The following ADGRV1 variants were observed in gnomAD, a reference collection of about 807,000 sequenced individuals.
ADGRV1 encodes the protein G-protein coupled receptor 98.
A neutral mutation model predicts 596.2 loss-of-function variants in ADGRV1; 359 were observed. The observed-to-expected ratio is 0.60, with a 90% CI of 0.55 to 0.66. The LOEUF (loss-of-function observed/expected upper bound fraction) is 0.66, where lower values mean the gene tolerates loss of function less well. Among genes scored for constraint, ADGRV1 ranks in the 30% least tolerant of loss-of-function variants. The pLI is 0.00. For missense variants in ADGRV1, 7,274 were observed against 7,575.6 expected (o/e 0.96, Z 1.48); for synonymous variants, 2,681 against 2,679.2 (o/e 1.00, Z -0.02).
intron 70 of ADGRV1, chr5:90,791,628 C>A: frequency 2.7e-6 from 1 of 373,996 alleles, no homozygotes; most frequent in Non-Finnish European, 4.9e-6. Context: ...TGCATATACA[C>A]CTGCACACCC....
chr5:90,844,910 C>A (rs1367551946), intron 78 of ADGRV1, among the ~76,000 whole-genome samples: 2 of 152,104 alleles, frequency 1.3e-5, no homozygotes, highest in Admixed American at 6.6e-5. Context: ...CCTTGTGGAG[C>A]CAGCCTGTTT....
At position 90,660,076 on chromosome 5, in the gene ADGRV1, AAG is replaced by A. The variant is rs370017304; in HGVS notation, c.4752+1801_4752+1802del. Among the ~76,000 whole-genome samples, 82 of 152,196 alleles carry A rather than the reference AAG, an allele frequency of 5.4e-4. 1 individual carries two copies. The East Asian group carries it at 0.014, about 26-fold the overall frequency. ...AAAAAGAAACAGACAAATTGATTGC[AAG>A]AGGAGCTAGGAGAATCCAGCTGTCT... is the stretch of plus-strand genomic sequence containing the variant. On this transcript the variant is annotated intron_variant, in intron 21 of 89. Transcript: ENST00000405460.
intron 1 of ADGRV1, among the ~76,000 whole-genome samples, chr5:90,571,868 T>C (rs1756569268): frequency 6.6e-6 from 1 of 152,144 alleles, no homozygotes; most frequent in African/African-American, 2.4e-5. Context: ...TTCACTGATT[T>C]CCTGGAGATT....
At chr5:91,074,802 G>T (rs1044363512) in intron 86 of ADGRV1, among the ~76,000 whole-genome samples, 3 of 152,106 alleles carry the variant, frequency 2.0e-5, no homozygotes, top group African/African-American at 7.2e-5. Flanking sequence ...TAGTGTATAA[G>T]CAAGCATTCC....
intron 58 of ADGRV1, among the ~76,000 whole-genome samples, chr5:90,760,878 A>G (rs1277961551): frequency 6.6e-6 from 1 of 152,210 alleles, no homozygotes; most frequent in African/African-American, 2.4e-5. Context: ...AGTATAAAAC[A>G]CTATAAATTC....
chr5:91,029,570 A>G (rs1254252783), intron 85 of ADGRV1, among the ~76,000 whole-genome samples: 1 of 152,196 alleles, frequency 6.6e-6, no homozygotes, highest in Non-Finnish European at 1.5e-5. Context: ...AATGGTTGCA[A>G]CAATTTAAAC....
intron 83 of ADGRV1, among the ~76,000 whole-genome samples, chr5:90,923,537 C>T (rs1382101257): frequency 6.6e-6 from 1 of 152,112 alleles, no homozygotes; most frequent in Admixed American, 6.5e-5. Context: ...ACACCTCAGA[C>T]TCTTGTAGAA....
At chr5:91,082,673 A>G (rs1473102598) in intron 86 of ADGRV1, among the ~76,000 whole-genome samples, 2 of 152,120 alleles carry the variant, frequency 1.3e-5, no homozygotes, top group African/African-American at 4.8e-5. Context: ...AGTAGAAAAA[A>G]TTTTTGAGGC....
intron 83 of ADGRV1, among the ~76,000 whole-genome samples, chr5:90,891,804 A>G (rs1770851468): frequency 6.6e-6 from 1 of 151,992 alleles, no homozygotes; most frequent in African/African-American, 2.4e-5. Flanking sequence ...CCCGCCTGCT[A>G]TCATTGCTTA....
chr5:90,587,450 GA>G (rs1438883341), intron 1 of ADGRV1, among the ~76,000 whole-genome samples: 7 of 151,598 alleles, frequency 4.6e-5, no homozygotes, highest in Non-Finnish European at 1.0e-4. Context: ...TTTTTACAAA[GA>G]AAAAAGTCAT....
rs1756203832 is a variant in ADGRV1 at position 90,759,371 on chromosome 5, CCTCCCTCTCTTT to C, written c.11941-31_11941-20del. The C allele has an allele frequency of 5.9e-6, 8 of 1,355,008 alleles. No homozygotes were observed. The East Asian group carries it at 2.0e-4, about 34-fold the overall frequency. 83.9% of individuals were successfully genotyped at this position (1,355,008 alleles called of 1,614,324 possible). On this transcript the variant is annotated intron_variant, in intron 57 of 89. Transcript: ENST00000405460. ...CATTTCCTATCTTCCTCCTTCTTTT[CCTCCCTCTCTTT>C]CTCCCTTCCTTCCTTTCTTTCATAG...
chr5:91,146,915 C>T (rs1012805026), intron 87 of ADGRV1, among the ~76,000 whole-genome samples: 3 of 151,908 alleles, frequency 2.0e-5, no homozygotes, highest in African/African-American at 7.3e-5. Flanking sequence ...TAATCCCAGC[C>T]CTATGGGAGG....
intron 85 of ADGRV1, among the ~76,000 whole-genome samples, chr5:91,068,105 C>T (rs186965666): frequency 6.6e-6 from 1 of 152,194 alleles, no homozygotes; most frequent in East Asian, 1.9e-4. Flanking sequence ...AGAAATATCT[C>T]TTGAAATATG....
chr5:90,963,863 A>C (rs1278924322), intron 83 of ADGRV1, among the ~76,000 whole-genome samples: 2 of 151,080 alleles, frequency 1.3e-5, no homozygotes, highest in East Asian at 3.9e-4. Context: ...CATAAGAGAT[A>C]CATATTGTAG....
At chr5:90,809,217 A>G (rs1013612643) in intron 73 of ADGRV1, among the ~76,000 whole-genome samples, 1 of 149,620 alleles carries the variant, frequency 6.7e-6, no homozygotes, top group African/African-American at 2.5e-5. Flanking sequence ...CGGCCTCCCA[A>G]AGTGCTGGGA....
At chr5:90,725,016 C>G (rs552760477) in intron 46 of ADGRV1, 27 bp downstream of exon 46, 3 of 1,557,250 alleles carry the variant, frequency 1.9e-6, no homozygotes, top group Non-Finnish European at 2.6e-6. Flanking sequence ...TTTTATAGTA[C>G]AAAAATAAAA....
At chr5:91,150,259 C>CTCTGTCTCTCTCTCTCTCTCTG (rs1795935701) in intron 88 of ADGRV1, 38 bp downstream of exon 88, 3 of 1,397,460 alleles carry the variant, frequency 2.1e-6, no homozygotes, top group Non-Finnish European at 2.9e-6. Flanking sequence ...GTCTCTCTGT[C>CTCTGTCTCTCTCTCTCTCTCTG]TCTGTCTCTC....
rs1763579475 is a variant in ADGRV1, at chr5:90,617,965, T to C, written c.357+12T>C. On this transcript the variant is annotated intron_variant, in intron 3 of 89. Coordinates refer to ENST00000405460, the MANE Select transcript of ADGRV1 (RefSeq NM_032119.4). ...ACTTAACATTACAGGTAAGTCCGTG[T>C]TTCCTCCTTATAAAAATTATAAGGA... 6.5e-7 allele frequency: 1 copy of C among 1,527,426 alleles called. No homozygotes were observed. Among genetic ancestry groups the C allele is most frequent in the East Asian group, 2.4e-5 (1 of 41,986 alleles). The allele number at this position is 1,527,426 out of a possible 1,614,324, so 94.6% of individuals were successfully genotyped here.
chr5:91,145,744 A>T (rs755565063), intron 87 of ADGRV1, among the ~76,000 whole-genome samples: 49 of 152,272 alleles, frequency 3.2e-4, no homozygotes, highest in Middle Eastern at 6.8e-3. Context: ...CAGATAAACC[A>T]CTGATTTTAA....
Sources: gnomAD v4.1 joint callset for allele counts (sites outside exome capture counted in the v4.1 genomes callset) on GRCh38, gnomAD v4.1.1 for gene constraint, MANE v1.5 for transcripts, NCBI Gene and HGNC (gene_info 2026-07-23, HGNC 2026-07-21) for gene names.